The following PARN variants were observed in gnomAD, a reference collection of about 807,000 sequenced individuals.
PARN encodes poly(A)-specific ribonuclease.
In PARN, 71 loss-of-function variants were observed where a neutral mutation model predicts 102.8. The ratio of observed to expected loss-of-function variants is 0.69; its 90% confidence interval spans 0.57 to 0.84. The LOEUF (loss-of-function observed/expected upper bound fraction) is 0.84, where lower values mean the gene tolerates loss of function less well. Ranked by LOEUF, PARN falls within the 40% of genes least tolerant of loss-of-function variation. The pLI, the probability that PARN is intolerant of heterozygous loss-of-function variation, is 0.00. For synonymous variants in PARN, 261 were observed against 252.9 expected, an observed-to-expected ratio of 1.03 and a Z score of -0.30; for missense variants, 782 against 760.9, an observed-to-expected ratio of 1.03 and a Z score of -0.33.
intron 23 of PARN, among the ~76,000 whole-genome samples, chr16:14,441,358 C>T (rs536325252): frequency 4.5e-4 from 69 of 152,336 alleles, no homozygotes; most frequent in African/African-American, 1.7e-3. Flanking sequence ...CTCCCCTTTA[C>T]CTAACTGGAG....
intron 22 of PARN, among the ~76,000 whole-genome samples, chr16:14,457,797 CAAAAAAAAAA>C (rs35170336): frequency 1.6e-3 from 49 of 30,160 alleles, no homozygotes; most frequent in African/African-American, 5.6e-3. Flanking sequence ...GACTCTGTCT[CAAAAAAAAAA>C]AAAAAAAAAA....
chr16:14,528,301 CCT>C (rs1411097258), intron 21 of PARN, among the ~76,000 whole-genome samples: 1 of 152,170 alleles, frequency 6.6e-6, no homozygotes, highest in Admixed American at 6.5e-5. Context: ...AAAGGAGACC[CCT>C]GACTGCACTG....
intron 10 of PARN, 127 bp downstream of exon 10, chr16:14,606,357 A>C: frequency 2.0e-6 from 1 of 490,674 alleles, no homozygotes; most frequent in Non-Finnish European, 3.6e-6. Flanking sequence ...GTGACTAACC[A>C]CTGCACTCCA....
intron 18 of PARN, among the ~76,000 whole-genome samples, chr16:14,576,974 C>T (rs535949638): frequency 1.2e-4 from 19 of 152,278 alleles, no homozygotes; most frequent in Admixed American, 3.3e-4. Context: ...TAAAGCTTCC[C>T]AAAATGGCAT....
chr16:14,532,985 C>T (rs1487854456), intron 21 of PARN, among the ~76,000 whole-genome samples: 1 of 152,172 alleles, frequency 6.6e-6, no homozygotes, highest in Non-Finnish European at 1.5e-5. Context: ...AGAGACGTTC[C>T]TCACTTCCCA....
intron 12 of PARN, among the ~76,000 whole-genome samples, chr16:14,596,657 G>A (rs186729621): frequency 1.2e-4 from 18 of 152,136 alleles, no homozygotes; most frequent in African/African-American, 3.9e-4. Context: ...GAGGAGGGAG[G>A]ATCGCTTGAG....
intron 18 of PARN, among the ~76,000 whole-genome samples, chr16:14,572,869 ATGTT>A (rs1392450547): frequency 1.3e-5 from 2 of 151,806 alleles, no homozygotes; most frequent in African/African-American, 4.8e-5. Flanking sequence ...ATCTCCTAGC[ATGTT>A]AGATCTTTTT....
intron 21 of PARN, among the ~76,000 whole-genome samples, chr16:14,550,650 G>C (rs1303814528): frequency 6.6e-6 from 1 of 152,114 alleles, no homozygotes; most frequent in Non-Finnish European, 1.5e-5. Flanking sequence ...ATCTGAATTT[G>C]TATATTTGCA....
chr16:14,544,541 C>T (rs191334793), intron 21 of PARN, among the ~76,000 whole-genome samples: 1 of 152,214 alleles, frequency 6.6e-6, no homozygotes, highest in African/African-American at 2.4e-5. Context: ...CACCACTGCA[C>T]TCCTGCCTGG....
At chr16:14,531,978 G>A (rs944845943) in intron 21 of PARN, among the ~76,000 whole-genome samples, 2 of 151,570 alleles carry the variant, frequency 1.3e-5, no homozygotes, top group East Asian at 1.9e-4. Context: ...CAGGAGGATC[G>A]CTTCAGCCCA....
chr16:14,477,436 T>C (rs1408242501), intron 22 of PARN, among the ~76,000 whole-genome samples: 3 of 133,792 alleles, frequency 2.2e-5, no homozygotes, highest in East Asian at 4.2e-4. Flanking sequence ...CGAGAGTTCG[T>C]CTCAAAAAAA....
At chr16:14,603,070 G>A (rs1383695314) in intron 11 of PARN, among the ~76,000 whole-genome samples, 3 of 151,994 alleles carry the variant, frequency 2.0e-5, no homozygotes, top group East Asian at 1.9e-4. Context: ...ACAGGCGCAC[G>A]TCACCACACC....
chr16:14,550,915 A>C (rs1967256647), intron 21 of PARN, among the ~76,000 whole-genome samples: 1 of 152,072 alleles, frequency 6.6e-6, no homozygotes, highest in Non-Finnish European at 1.5e-5. Context: ...AAATATCAAA[A>C]TTATTTAGGA....
chr16:14,452,962 A>T (rs1029910504), intron 22 of PARN, among the ~76,000 whole-genome samples: 1 of 152,166 alleles, frequency 6.6e-6, no homozygotes, highest in East Asian at 1.9e-4. Context: ...ACTGCTGTGC[A>T]TGTGTGTGTA....
At chr16:14,534,752 G>T (rs1025053999) in intron 21 of PARN, among the ~76,000 whole-genome samples, 1 of 151,922 alleles carries the variant, frequency 6.6e-6, no homozygotes, top group Non-Finnish European at 1.5e-5. Context: ...TCCCCACATC[G>T]CTCCACTTCA....
chr16:14,536,663 G>C (rs1361548816), intron 21 of PARN, among the ~76,000 whole-genome samples: 2 of 152,174 alleles, frequency 1.3e-5, no homozygotes, highest in African/African-American at 4.8e-5. Flanking sequence ...TTAATAAAGA[G>C]AGGGGTATTA....
At chr16:14,614,451 T>G (rs1463521588) in intron 6 of PARN, among the ~76,000 whole-genome samples, 5 of 151,934 alleles carry the variant, frequency 3.3e-5, no homozygotes, top group Non-Finnish European at 5.9e-5. Flanking sequence ...GTGGAGAGAA[T>G]TATAACACAC....
chr16:14,536,303 A>G (rs1011616917), intron 21 of PARN, among the ~76,000 whole-genome samples: 1 of 152,230 alleles, frequency 6.6e-6, no homozygotes, highest in Non-Finnish European at 1.5e-5. Flanking sequence ...AACAATGTCA[A>G]CATGTAAAGA....
intron 5 of PARN, among the ~76,000 whole-genome samples, chr16:14,620,946 C>A (rs886924911): frequency 9.9e-5 from 15 of 151,776 alleles, no homozygotes; most frequent in Non-Finnish European, 2.1e-4. Context: ...ATTTTTTAAT[C>A]TTATGTTAAA....
Sources: gnomAD v4.1 joint callset for allele counts (sites outside exome capture counted in the v4.1 genomes callset) on GRCh38, gnomAD v4.1.1 for gene constraint, MANE v1.5 for transcripts, NCBI Gene and HGNC (gene_info 2026-07-23, HGNC 2026-07-21) for gene names.